TBC1D32: variants seen among roughly 807,000 people sequenced by gnomAD.
TBC1D32 encodes protein broad-minded.
TBC1D32 carries 151 observed loss-of-function variants against 170.3 expected under a neutral mutation model. That is an observed-to-expected ratio of 0.89 (90% confidence interval 0.78 to 1.01). The LOEUF (loss-of-function observed/expected upper bound fraction) is 1.01, where lower values mean the gene tolerates loss of function less well. Ranked by LOEUF, TBC1D32 falls within the 50% of genes least tolerant of loss-of-function variation. TBC1D32 has a pLI of 0.00. For synonymous variants in TBC1D32, 498 were observed against 488.0 expected (o/e 1.02, Z -0.27); for missense variants, 1,464 against 1,457.1 (o/e 1.00, Z -0.08).
chr6:121,312,506 G>A (rs1180983938), intron 3 of TBC1D32, among the ~76,000 whole-genome samples: 1 of 152,196 alleles, frequency 6.6e-6, no homozygotes, highest in African/African-American at 2.4e-5. Context: ...AGGGAAGCAG[G>A]AGCCTAGGAG....
intron 15 of TBC1D32, among the ~76,000 whole-genome samples, chr6:121,271,837 T>C (rs1021747547): frequency 1.3e-5 from 2 of 151,972 alleles, no homozygotes; most frequent in South Asian, 4.1e-4. Flanking sequence ...GGAGGCACCA[T>C]GCCACCTGAC....
chr6:121,146,839 C>G (rs2221227), intron 24 of TBC1D32, among the ~76,000 whole-genome samples: 4,842 of 152,148 alleles, frequency 0.032, 127 homozygotes, highest in African/African-American at 0.075. Flanking sequence ...ATTTTAGATT[C>G]AGGGGAAATA....
Position 121,253,706 on chromosome 6 carries a change from G to A in TBC1D32, c.2018+1622C>T, listed in dbSNP as rs901866523. On this transcript the variant is annotated intron_variant, in intron 17 of 31. Coordinates refer to ENST00000398212, the MANE Select transcript of TBC1D32 (RefSeq NM_152730.6). ...TGCACTCCAGCCTGGGCGACAGAGC[G>A]AGATTCCGTCTCAAAAAAAAAAGTC... Among the ~76,000 whole-genome samples, 32 of 151,896 alleles carry A rather than the reference G, an allele frequency of 2.1e-4. 1 individual carries two copies. The highest frequency in any genetic ancestry group is 7.0e-4 in the African/African-American group (29 of 41,346).
intron 24 of TBC1D32, among the ~76,000 whole-genome samples, chr6:121,149,375 G>A (rs1054756043): frequency 3.3e-5 from 5 of 152,118 alleles, no homozygotes; most frequent in African/African-American, 9.7e-5. Context: ...TTCTTCTGGG[G>A]TCTTTACGGT....
intron 20 of TBC1D32, chr6:121,237,013 C>T (rs1266504940): frequency 2.0e-5 from 3 of 152,070 alleles, no homozygotes; most frequent in Non-Finnish European, 4.4e-5. Context: ...TCCAGCTATC[C>T]ATCTGGTAGC....
At chr6:121,282,298 C>G (rs1471194471) in intron 13 of TBC1D32, among the ~76,000 whole-genome samples, 2 of 151,606 alleles carry the variant, frequency 1.3e-5, no homozygotes, top group Non-Finnish European at 3.0e-5. Flanking sequence ...TTGGAATCAT[C>G]ACTGAATTAA....
chr6:121,151,351 C>T (rs543166071), intron 24 of TBC1D32, among the ~76,000 whole-genome samples: 14 of 152,262 alleles, frequency 9.2e-5, no homozygotes, highest in South Asian at 4.2e-4. Flanking sequence ...TTTGATTGCA[C>T]TGTGGTCTGA....
intron 17 of TBC1D32, among the ~76,000 whole-genome samples, chr6:121,248,492 AG>A (rs1797907728): frequency 6.6e-6 from 1 of 152,030 alleles, no homozygotes; most frequent in Non-Finnish European, 1.5e-5. Flanking sequence ...TGAAATTGAA[AG>A]AAAAAAATAC....
At chr6:121,125,093 C>G (rs1780684174) in intron 26 of TBC1D32, among the ~76,000 whole-genome samples, 1 of 152,034 alleles carries the variant, frequency 6.6e-6, no homozygotes, top group Non-Finnish European at 1.5e-5. Context: ...TTGTGGACAC[C>G]CGATGATATC....
intron 27 of TBC1D32, among the ~76,000 whole-genome samples, chr6:121,114,029 C>T (rs980073157): frequency 3.3e-5 from 5 of 152,090 alleles, no homozygotes; most frequent in African/African-American, 4.8e-5. Context: ...CAAAAATTAG[C>T]TGGGCATGGT....
Position 121,249,601 on chromosome 6 carries a change from A to G in TBC1D32, c.2018+5727T>C, listed in dbSNP as rs539650161. 1.3e-5 allele frequency among the ~76,000 whole-genome samples: 2 copies of G among 152,218 alleles called. 1 individual carries two copies. Among genetic ancestry groups the G allele is most frequent in the South Asian group, 4.1e-4 (2 of 4,828 alleles). On this transcript the variant is annotated intron_variant, in intron 17 of 31. Coordinates refer to ENST00000398212, the MANE Select transcript of TBC1D32 (RefSeq NM_152730.6). ...CATCCAAAAAGCTCCCAGATCTGAT[A>G]AATAAATTCATTCAAGATTCAGGAT...
intron 1 of TBC1D32, among the ~76,000 whole-genome samples, chr6:121,333,238 A>C (rs1811429980): frequency 6.6e-6 from 1 of 152,210 alleles, no homozygotes; most frequent in Non-Finnish European, 1.5e-5. Flanking sequence ...AACATTAGTA[A>C]TAATAATGAA....
chr6:121,315,008 T>C lies in TBC1D32; in HGVS notation c.495+2487A>G, dbSNP rs1005170412. ...CGGGAAGTAGTATTTTCATCCCCAT[T>C]TACAAATGGGAAACACTACAGCACA... On this transcript the variant is annotated intron_variant, in intron 3 of 31. Coordinates refer to ENST00000398212, the MANE Select transcript of TBC1D32 (RefSeq NM_152730.6). Among the ~76,000 whole-genome samples, 6 of 152,294 alleles carry C rather than the reference T, an allele frequency of 3.9e-5. No individual in the cohort carries two copies. The East Asian group carries it at 1.2e-3, about 29-fold the overall frequency.
At chr6:121,126,291 G>A in intron 26 of TBC1D32, 87 bp downstream of exon 26, 1 of 944,620 alleles carries the variant, frequency 1.1e-6, no homozygotes, top group South Asian at 1.7e-5. Context: ...TGAGAAAACT[G>A]CCTATCTGTA....
Position 121,214,874 on chromosome 6 carries a change from G to A in TBC1D32, c.2481+8362C>T, listed in dbSNP as rs755260927. On this transcript the variant is annotated intron_variant, in intron 21 of 31. Coordinates refer to ENST00000398212, the MANE Select transcript of TBC1D32 (RefSeq NM_152730.6). Reference sequence around the variant, plus strand: ...TGAGGTATGTAGACAACTGGAGGGTGAGCAAAGCAAAGAGGTGCTTTACTG... The same window carrying A: ...TGAGGTATGTAGACAACTGGAGGGTAAGCAAAGCAAAGAGGTGCTTTACTG... Among the ~76,000 whole-genome samples the A allele has an allele frequency of 1.5e-4, 23 of 152,180 alleles. 1 individual carries two copies. The highest frequency in any genetic ancestry group is 3.1e-4 in the Non-Finnish European group (21 of 68,034).
chr6:121,136,147 A>G lies in TBC1D32; in HGVS notation c.2774-4395T>C, dbSNP rs78134861. On this transcript the variant is annotated intron_variant, in intron 24 of 31. Transcript: ENST00000398212. ...TTGAAATTATCAAGGACATAAGAGC[A>G]ATTATTTTTAGGGATTTAAAGAAAA... Among the ~76,000 whole-genome samples, 42 of 152,308 alleles carry G rather than the reference A, an allele frequency of 2.8e-4. 1 individual carries two copies. In the East Asian group the frequency reaches 8.1e-3, roughly 29 times the overall value.
chr6:121,309,722 A>G (rs1318518050), intron 4 of TBC1D32, among the ~76,000 whole-genome samples: 1 of 152,200 alleles, frequency 6.6e-6, no homozygotes, highest in African/African-American at 2.4e-5. Context: ...ACAATTCAAT[A>G]TAATTGCTTC....
intron 19 of TBC1D32, among the ~76,000 whole-genome samples, chr6:121,240,338 A>C (rs1796794417): frequency 8.6e-6 from 1 of 116,686 alleles, no homozygotes; most frequent in African/African-American, 3.2e-5. Context: ...AAAAAAAATT[A>C]GTGGTTCAGT....
chr6:121,284,060 A>G (rs1033787844), intron 12 of TBC1D32, 150 bp from the exon 13 acceptor site: 12 of 626,426 alleles, frequency 1.9e-5, no homozygotes, highest in African/African-American at 3.7e-5. Flanking sequence ...CTCAGATAGA[A>G]GACTCCATAA....
Sources: allele counts gnomAD v4.1 joint callset (sites outside exome capture counted in the v4.1 genomes callset), GRCh38; gene constraint gnomAD v4.1.1; transcripts MANE v1.5; gene names NCBI Gene and HGNC (gene_info 2026-07-23, HGNC 2026-07-21).